SMARCC1: variants seen among roughly 807,000 people sequenced by gnomAD.
The protein encoded by SMARCC1 is SWI/SNF complex subunit SMARCC1.
In SMARCC1, 43 loss-of-function variants were observed where a neutral mutation model predicts 147.4. The ratio of observed to expected loss-of-function variants is 0.29; its 90% CI spans 0.23 to 0.38. The LOEUF (loss-of-function observed/expected upper bound fraction) is 0.38, where lower values mean the gene tolerates loss of function less well. Among genes scored for constraint, SMARCC1 ranks in the 10% least tolerant of loss-of-function variants. The pLI is 1.00. For missense variants in SMARCC1, 1,119 were observed against 1,381.1 expected, an observed-to-expected ratio of 0.81 and a Z score of 3.01; for synonymous variants, 495 against 484.4, an observed-to-expected ratio of 1.02 and a Z score of -0.29.
chr3:47,602,556 C>T (rs1057336988), intron 26 of SMARCC1, among the ~76,000 whole-genome samples: 2 of 152,142 alleles, frequency 1.3e-5, no homozygotes, highest in African/African-American at 4.8e-5. Context: ...CCTTGGCCTC[C>T]CAAAGTGCTG....
intron 10 of SMARCC1, among the ~76,000 whole-genome samples, chr3:47,705,328 A>G (rs1419294145): frequency 4.0e-5 from 6 of 150,424 alleles, no homozygotes; most frequent in African/African-American, 1.2e-4. Flanking sequence ...CGTCTCAAAA[A>G]AAAAAAAAAA....
At chr3:47,748,473 C>G (rs1180659275) in intron 2 of SMARCC1, among the ~76,000 whole-genome samples, 1 of 152,148 alleles carries the variant, frequency 6.6e-6, no homozygotes, top group Non-Finnish European at 1.5e-5. Context: ...ATCCGCCCAC[C>G]TTGGCCTCCC....
intron 19 of SMARCC1, among the ~76,000 whole-genome samples, chr3:47,664,528 A>G (rs1257143254): frequency 6.6e-6 from 1 of 152,222 alleles, no homozygotes; most frequent in Non-Finnish European, 1.5e-5. Flanking sequence ...GAAACCAACA[A>G]AAAGAGTAAA....
rs1447066172 is a variant in SMARCC1, at chr3:47,675,546, T to C, written c.1768A>G (p.Lys590Glu). 10 of 1,612,656 alleles carry C rather than the reference T, an allele frequency of 6.2e-6. No individual in the cohort carries two copies. The highest frequency in any genetic ancestry group is 7.6e-6 in the Non-Finnish European group (9 of 1,178,646). ...TTCTGCAAATCAACTGGTTTTTCCT[T>C]GTTTTTCTCAGGAAAATTTAGCATC... Reference protein sequence around the residue: ...QQMLNFPEKNKEKPVDLQNFG... With the variant: ...QQMLNFPEKNEEKPVDLQNFG... Residue 590 changes from lysine (K) to glutamate (E), a missense_variant, in exon 18 of 28, where the codon AAG (lysine) becomes GAG (glutamate). Physicochemically the swap from Lys to Glu is moderately conservative, Grantham distance 56. This residue lies in a region of SMARCC1 where 178 missense variants were observed against 264.6 expected (regional missense o/e 0.67). Transcript: ENST00000254480.
At position 47,606,997 on chromosome 3, in the gene SMARCC1, G is replaced by T. The variant is rs555079288; in HGVS notation, c.3043+3069C>A. Among the ~76,000 whole-genome samples, 179 of 151,982 alleles carry T rather than the reference G, an allele frequency of 1.2e-3. 7 individuals carry two copies. The South Asian group carries it at 0.036, about 31-fold the overall frequency. ...CGCAAAGTGCTGGGATTAATGGTGT[G>T]AGCCACCAAGCCTGGCCTAGGAATT... is the stretch of plus-strand genomic sequence containing the variant. On this transcript the variant is annotated intron_variant, in intron 26 of 27. Transcript: ENST00000254480.
At chr3:47,709,502 A>G (rs574605886) in intron 9 of SMARCC1, among the ~76,000 whole-genome samples, 1 of 151,710 alleles carries the variant, frequency 6.6e-6, no homozygotes, top group South Asian at 2.1e-4. Context: ...CCTGGCCAAC[A>G]TGGTGAAATC....
chr3:47,697,347 C>T (rs898588660), intron 11 of SMARCC1, among the ~76,000 whole-genome samples: 11 of 150,430 alleles, frequency 7.3e-5, no homozygotes, highest in Admixed American at 3.3e-4. Flanking sequence ...GTCGCCCAGG[C>T]TGGAGTGCCC....
intron 1 of SMARCC1, among the ~76,000 whole-genome samples, chr3:47,779,344 G>A (rs534183052): frequency 2.0e-4 from 31 of 152,290 alleles, no homozygotes; most frequent in South Asian, 1.7e-3. Context: ...CACTAGAAAC[G>A]GTTAGTTAAA....
At chr3:47,641,622 A>G (rs1285967589) in intron 21 of SMARCC1, among the ~76,000 whole-genome samples, 2 of 152,252 alleles carry the variant, frequency 1.3e-5, no homozygotes, top group East Asian at 3.8e-4. Flanking sequence ...AGTGAGCTAT[A>G]AAACTACCAT....
intron 24 of SMARCC1, among the ~76,000 whole-genome samples, chr3:47,634,596 T>A (rs1490156205): frequency 6.6e-6 from 1 of 152,206 alleles, no homozygotes; most frequent in Non-Finnish European, 1.5e-5. Context: ...AAAACTTACA[T>A]ATTCATGTTT....
chr3:47,685,995 GA>G, intron 14 of SMARCC1, 53 bp downstream of exon 14: 1 of 1,500,062 alleles, frequency 6.7e-7, no homozygotes, highest in Admixed American at 1.9e-5. Flanking sequence ...TGATTTCAAG[GA>G]AAGTTCTTGT....
chr3:47,677,750 C>T (rs1431262486), intron 16 of SMARCC1, among the ~76,000 whole-genome samples: 4 of 152,040 alleles, frequency 2.6e-5, no homozygotes, highest in Non-Finnish European at 5.9e-5. Flanking sequence ...GCCATGTTGG[C>T]CAGGCTCGAA....
chr3:47,657,533 C>T (rs1576401224), intron 21 of SMARCC1, among the ~76,000 whole-genome samples: 1 of 152,184 alleles, frequency 6.6e-6, no homozygotes, highest in African/African-American at 2.4e-5. Context: ...CTCAGTGGCT[C>T]ACGCCTGTAC....
chr3:47,600,914 C>A (rs1576383564), intron 26 of SMARCC1, among the ~76,000 whole-genome samples: 1 of 145,650 alleles, frequency 6.9e-6, no homozygotes, highest in East Asian at 2.0e-4. Flanking sequence ...CAGGCCTTAG[C>A]AAACAAAGTA....
rs770546876 is a variant in SMARCC1, at chr3:47,590,687, A to G, written c.3194T>C (p.Val1065Ala). 6 of 1,554,884 alleles carry G rather than the reference A, an allele frequency of 3.9e-6. No individual in the cohort carries two copies. In the African/African-American group the frequency reaches 4.2e-5, roughly 11 times the overall value. The change falls in exon 27 of 28, where the codon GTA becomes GCA. Residue 1065 changes from valine to alanine, a missense_variant. Val to Ala is a moderately conservative substitution (Grantham distance 64). Around this residue, in one of 6 missense-constraint regions of SMARCC1, gnomAD observed 186 missense variants for 216.5 expected, o/e 0.86. Transcript: ENST00000254480. Reference sequence around the variant, plus strand: ...CATGCCGTTAGGTGCTGTCAGGGGTACCCGGGGTCCTAAGATGTTTCCTGG... The same window carrying G: ...CATGCCGTTAGGTGCTGTCAGGGGTGCCCGGGGTCCTAAGATGTTTCCTGG... Reference protein sequence around the residue: ...PMPGNILGPRVPLTAPNGMYP... With the variant: ...PMPGNILGPRAPLTAPNGMYP...
chr3:47,759,870 G>C (rs537089748), intron 2 of SMARCC1, among the ~76,000 whole-genome samples: 1 of 152,206 alleles, frequency 6.6e-6, no homozygotes, highest in South Asian at 2.1e-4. Context: ...TCGGGAGGCT[G>C]AGGTTGCAGT....
chr3:47,616,216 G>C (rs575536314), intron 25 of SMARCC1, among the ~76,000 whole-genome samples: 2 of 152,300 alleles, frequency 1.3e-5, no homozygotes, highest in Non-Finnish European at 2.9e-5. Flanking sequence ...TCTGTTGACG[G>C]CTGTGTGCTT....
At chr3:47,743,782 C>T (rs1453632757) in intron 3 of SMARCC1, among the ~76,000 whole-genome samples, 1 of 150,066 alleles carries the variant, frequency 6.7e-6, no homozygotes, top group Non-Finnish European at 1.5e-5. Flanking sequence ...CACTGCACTC[C>T]GGCCTGGGTG....
chr3:47,664,043 G>A (rs906501406), intron 19 of SMARCC1: 16 of 590,984 alleles, frequency 2.7e-5, no homozygotes, highest in African/African-American at 1.7e-4. Context: ...AGGCCCATGC[G>A]TCGTTGGGGG....
Sources: gnomAD v4.1 joint callset for allele counts (sites outside exome capture counted in the v4.1 genomes callset) on GRCh38, gnomAD v4.1.1 for gene constraint, gnomAD v4.1.1 regional missense constraint, MANE v1.5 for transcripts, NCBI Gene and HGNC (gene_info 2026-07-23, HGNC 2026-07-21) for gene names.